KLF10: variants seen among roughly 807,000 people sequenced by gnomAD.
The protein encoded by KLF10 is Krueppel-like factor 10.
In KLF10, 17 loss-of-function variants were observed where a neutral mutation model predicts 31.6. The observed-to-expected ratio is 0.54, with a 90% CI of 0.37 to 0.81. KLF10 has a LOEUF of 0.81. KLF10 is among the 30% of genes least tolerant of loss of function. KLF10 has a pLI of 0.00. For missense variants in KLF10, 525 were observed against 598.1 expected, an observed-to-expected ratio of 0.88 and a Z score of 1.27; for synonymous variants, 239 against 215.1, an observed-to-expected ratio of 1.11 and a Z score of -0.97.
chr8:102,653,541 A>T (rs992422593), intron 1 of KLF10: 1 of 1,492,302 alleles, frequency 6.7e-7, no homozygotes, highest in Non-Finnish European at 8.9e-7. Flanking sequence ...GTGTAAAAAT[A>T]CCAAAAAACA....
Position 102,655,472 on chromosome 8 carries a change from C to T in KLF10, c.36+94G>A, listed in dbSNP as rs188356423. On this transcript the variant is annotated intron_variant, in intron 1 of 3. Transcript: ENST00000285407. ...CTCCGCTGCAGCCCCAATTCTCAGG[C>T]ATGGCTGATGTCCGGGGCTCGGGGT... 58 of 1,495,276 alleles carry T rather than the reference C, an allele frequency of 3.9e-5. 1 individual carries two copies. In the African/African-American group the frequency reaches 5.8e-4, roughly 15 times the overall value. 92.6% of individuals were successfully genotyped at this position (1,495,276 alleles called of 1,614,324 possible). A position where few individuals can be genotyped will look rare whatever the true frequency, so the allele number is the denominator to read the frequency against.
intron 1 of KLF10, 41 bp downstream of exon 1, chr8:102,655,525 G>T (rs1347794821): frequency 1.2e-6 from 2 of 1,613,496 alleles, no homozygotes; most frequent in Admixed American, 1.7e-5. Flanking sequence ...CCCCAGACAA[G>T]ACCAGGCGAG....
rs766716829 is a variant in KLF10, at chr8:102,652,128, A to G, written c.270+36T>C. The G allele has an allele frequency of 8.1e-6, 12 of 1,484,346 alleles. No individual in the cohort carries two copies. The Admixed American group carries it at 1.8e-4, about 22-fold the overall frequency. The allele number at this position is 1,484,346 out of a possible 1,614,324, so 91.9% of individuals were successfully genotyped here. The stretch of plus-strand genomic sequence containing the variant: ...TATTATATAAATTTTAAGAAATTAT[A>G]TAATTTACGTCTATCTTAAAAACAA... On this transcript the variant is annotated intron_variant, in intron 2 of 3. Transcript: ENST00000285407.
chr8:102,655,683 A>T lies in KLF10; in HGVS notation c.-82T>A. 6.6e-7 allele frequency: 1 copy of T among 1,511,392 alleles called. No individual in the cohort carries two copies. The highest frequency in any genetic ancestry group is 9.1e-7 in the Non-Finnish European group (1 of 1,101,122). The allele number at this position is 1,511,392 out of a possible 1,614,324, so 93.6% of individuals were successfully genotyped here. ...TGGCCACAGACGGGCGCACGGAGAC[A>T]CTCGACGCCGCTCCCGCCGCCGCCG... is the stretch of plus-strand genomic sequence containing the variant. On this transcript the variant is annotated 5_prime_UTR_variant, in exon 1 of 4. Transcript: ENST00000285407.
Position 102,651,138 on chromosome 8 carries a change from G to T in KLF10, c.1183+11C>A. 1 of 1,495,150 alleles carries T rather than the reference G, an allele frequency of 6.7e-7. No homozygotes were observed. The highest frequency in any genetic ancestry group is 8.9e-7 in the Non-Finnish European group (1 of 1,121,188). 92.6% of individuals were successfully genotyped at this position (1,495,150 alleles called of 1,614,324 possible). On this transcript the variant is annotated intron_variant, in intron 3 of 3. Coordinates refer to ENST00000285407, the MANE Select transcript of KLF10 (RefSeq NM_005655.4). Reference sequence around the variant, plus strand: ...CATTTAAACACTAAAGATATAAGAAGTGGCTGGTACCTGTGTGCGTCCTCG... The same window carrying T: ...CATTTAAACACTAAAGATATAAGAATTGGCTGGTACCTGTGTGCGTCCTCG...
At chr8:102,651,043 TA>T in intron 3 of KLF10, 105 bp downstream of exon 3, 2 of 1,097,224 alleles carry the variant, frequency 1.8e-6, no homozygotes, top group African/African-American at 1.6e-5. Flanking sequence ...TACCATCCTC[TA>T]AACTAGCTAA....
chr8:102,651,611 A>C lies in KLF10; in HGVS notation c.721T>G (p.Cys241Gly). Residue 241 changes from cysteine (C) to glycine (G), a missense_variant, in exon 3 of 4, where the codon TGC becomes GGC. Around this residue, in one of 3 missense-constraint regions of KLF10, gnomAD observed 434 missense variants for 450.7 expected, o/e 0.96. Coordinates refer to ENST00000285407, the MANE Select transcript of KLF10 (RefSeq NM_005655.4). ...FSVPSSETVI[C>G]RSQPAPVSPQ... ...GACACAGGGGCTGGCTGAGACCTGC[A>C]GATGACCGTCTCTGAGGAAGGCACA... The C allele has an allele frequency of 6.2e-7, 1 of 1,614,240 alleles. No individual in the cohort carries two copies. Among genetic ancestry groups the C allele is most frequent in the South Asian group, 1.1e-5 (1 of 91,082 alleles).
chr8:102,653,534 T>C, intron 1 of KLF10: 3 of 1,498,616 alleles, frequency 2.0e-6, no homozygotes, highest in Non-Finnish European at 2.7e-6. Context: ...AGAGATTGTG[T>C]AAAAATACCA....
At chr8:102,652,681 A>G (rs1247815029) in intron 1 of KLF10, among the ~76,000 whole-genome samples, 1 of 152,166 alleles carries the variant, frequency 6.6e-6, no homozygotes, top group East Asian at 1.9e-4. Context: ...CGTTCATGGG[A>G]GAGAGGCACA....
chr8:102,655,702 G>T lies in KLF10; in HGVS notation c.-101C>A. On this transcript the variant is annotated 5_prime_UTR_variant, in exon 1 of 4. Coordinates refer to ENST00000285407, the MANE Select transcript of KLF10 (RefSeq NM_005655.4). ...GGAGACACTCGACGCCGCTCCCGCC[G>T]CCGCCGCGCTCAGCGCCGTCTGCCC... 7.3e-7 allele frequency: 1 copy of T among 1,371,410 alleles called. No homozygotes were observed. Among genetic ancestry groups the T allele is most frequent in the African/African-American group, 1.4e-5 (1 of 69,698 alleles). 85.0% of individuals were successfully genotyped at this position (1,371,410 alleles called of 1,614,324 possible). A position where few individuals can be genotyped will look rare whatever the true frequency, so the allele number is the denominator to read the frequency against.
chr8:102,652,285 C>T lies in KLF10; in HGVS notation c.149G>A (p.Cys50Tyr), dbSNP rs1422218166. 2 of 1,613,478 alleles carry T rather than the reference C, an allele frequency of 1.2e-6. No homozygotes were observed. Among genetic ancestry groups the T allele is most frequent in the Non-Finnish European group, 1.7e-6 (2 of 1,179,562 alleles). Residue 50 changes from cysteine to tyrosine, a missense_variant, in exon 2 of 4, where the codon TGC becomes TAC. This residue lies in a region of KLF10 where 434 missense variants were observed against 450.7 expected (regional missense o/e 0.96). Transcript: ENST00000285407. ...TTTCTTAAAATCAGACTTCCAACTGCAGCTCATTGACATAAGTGCTTCTAC... is the reference window on the plus strand; with the variant it reads ...TTTCTTAAAATCAGACTTCCAACTGTAGCTCATTGACATAAGTGCTTCTAC... ...EAVEALMSMS[C>Y]SWKSDFKKYV...
chr8:102,654,028 C>T, intron 1 of KLF10: 2 of 975,158 alleles, frequency 2.1e-6, no homozygotes, highest in Non-Finnish European at 2.4e-6. Context: ...GCCCCTGCCC[C>T]CGCCATTGGC....
At chr8:102,652,442 TCCAA>T in intron 1 of KLF10, 45 bp from the exon 2 acceptor site, 1 of 1,108,846 alleles carries the variant, frequency 9.0e-7, no homozygotes, top group Non-Finnish European at 1.3e-6. Context: ...TTTTTTGTCA[TCCAA>T]ATGACACACA....
Position 102,655,561 on chromosome 8 carries a change from CTT to C in KLF10, c.36+3_36+4del. 6.2e-7 allele frequency: 1 copy of C among 1,614,160 alleles called. No individual in the cohort carries two copies. Among genetic ancestry groups the C allele is most frequent in the Non-Finnish European group, 8.5e-7 (1 of 1,180,008 alleles). On this transcript the variant is annotated splice_donor_region_variant and intron_variant, in intron 1 of 3. Transcript: ENST00000285407. Reference sequence around the variant, plus strand: ...GAAGCACAGGGGCATCCCCAAATGACTTACCGCAGTCTGCTGGAGAGAGGCAC... The same window carrying C: ...GAAGCACAGGGGCATCCCCAAATGACACCGCAGTCTGCTGGAGAGAGGCAC...
chr8:102,653,341 T>C, intron 1 of KLF10: 4 of 768,426 alleles, frequency 5.2e-6, no homozygotes, highest in East Asian at 3.3e-5. Context: ...AAGTAGAATC[T>C]ATTTTAATTC....
rs1827162784 is a variant in KLF10 at position 102,649,806 on chromosome 8, CA to C, written c.*325del. ...AAAAGTTGGTCTCAAGTATAAACAG[CA>C]AAAGTAAAGTAACAAATATGCACAC... On this transcript the variant is annotated 3_prime_UTR_variant, in exon 4 of 4. Transcript: ENST00000285407. 9.8e-6 allele frequency: 3 copies of C among 306,092 alleles called. No individual in the cohort carries two copies. Among genetic ancestry groups the C allele is most frequent in the Admixed American group, 9.4e-5 (2 of 21,360 alleles). The allele number at this position is 306,092 out of a possible 1,614,324, so 19.0% of individuals were successfully genotyped here.
Position 102,651,701 on chromosome 8 carries a change from T to C in KLF10, c.631A>G (p.Lys211Glu). 1 of 1,614,252 alleles carries C rather than the reference T, an allele frequency of 6.2e-7. No homozygotes were observed. Among genetic ancestry groups the C allele is most frequent in the Non-Finnish European group, 8.5e-7 (1 of 1,180,042 alleles). ...TCTGCCACTGTGTTTCTCTCACATT[T>C]GGATCTGTTTGGTGACACAGCGGCA... ...PCAAVSPNRS[K>E]CERNTVADVD... Residue 211 changes from lysine (K) to glutamate (E), a missense_variant, in exon 3 of 4, where the codon AAA becomes GAA. Transcript: ENST00000285407.
chr8:102,654,667 T>C (rs1162231555), intron 1 of KLF10, among the ~76,000 whole-genome samples: 1 of 149,892 alleles, frequency 6.7e-6, no homozygotes, highest in Non-Finnish European at 1.5e-5. Context: ...TTCCGGCAGC[T>C]CCAGGCCCCT....
rs1001752009 is a variant in KLF10 at position 102,649,916 on chromosome 8, C to G, written c.*216G>C. 6.7e-6 allele frequency: 4 copies of G among 597,718 alleles called. No individual in the cohort carries two copies. The highest frequency in any genetic ancestry group is 1.2e-5 in the Non-Finnish European group (4 of 339,034). 37.0% of individuals were successfully genotyped at this position (597,718 alleles called of 1,614,324 possible). A position where few individuals can be genotyped will look rare whatever the true frequency, so the allele number is the denominator to read the frequency against. On this transcript the variant is annotated 3_prime_UTR_variant, in exon 4 of 4. Coordinates refer to ENST00000285407, the MANE Select transcript of KLF10 (RefSeq NM_005655.4). ...AAGGAATAAAAGCTTTCTCATCTCTCTTATGTGATAAGAAATGAAACCTGC... is the reference window on the plus strand; with the variant it reads ...AAGGAATAAAAGCTTTCTCATCTCTGTTATGTGATAAGAAATGAAACCTGC...
Sources: allele counts gnomAD v4.1 joint callset (sites outside exome capture counted in the v4.1 genomes callset), GRCh38; gene constraint gnomAD v4.1.1; regional missense constraint gnomAD v4.1.1; transcripts MANE v1.5; gene names NCBI Gene and HGNC (gene_info 2026-07-23, HGNC 2026-07-21).